The following BCL2L13 variants were observed in gnomAD, a reference collection of about 807,000 sequenced individuals.
The protein encoded by BCL2L13 is bcl-2-like protein 13.
In BCL2L13, 13 loss-of-function variants were observed where a neutral mutation model predicts 25.8. The ratio of observed to expected loss-of-function variants is 0.50; its 90% CI spans 0.33 to 0.80. The LOEUF (loss-of-function observed/expected upper bound fraction) is 0.80, where lower values mean the gene tolerates loss of function less well. BCL2L13 is among the 30% of genes least tolerant of loss of function. The pLI, the probability that BCL2L13 is intolerant of heterozygous loss-of-function variation, is 0.02. For synonymous variants in BCL2L13, 244 were observed against 230.3 expected (o/e 1.06, Z -0.54); for missense variants, 504 against 574.9 (o/e 0.88, Z 1.26).
chr22:17,651,103 A>G (rs1029867567), intron 1 of BCL2L13, among the ~76,000 whole-genome samples: 2 of 147,046 alleles, frequency 1.4e-5, no homozygotes, highest in Admixed American at 7.0e-5. Context: ...CGGTTCAAGC[A>G]ATTCTCCTGC....
chr22:17,685,015 A>T (rs58484680), intron 3 of BCL2L13, among the ~76,000 whole-genome samples: 43 of 151,640 alleles, frequency 2.8e-4, no homozygotes, highest in Non-Finnish European at 8.8e-5. Flanking sequence ...GATTACAGGC[A>T]TGAGCCACCA....
chr22:17,725,533 T>A (rs2061271492), intron 6 of BCL2L13, among the ~76,000 whole-genome samples: 3 of 152,222 alleles, frequency 2.0e-5, no homozygotes, highest in Admixed American at 2.0e-4. Context: ...TTTTCCCATC[T>A]GAACTTTTTT....
chr22:17,704,607 C>A (rs1033491634), intron 6 of BCL2L13, among the ~76,000 whole-genome samples: 1 of 151,844 alleles, frequency 6.6e-6, no homozygotes, highest in African/African-American at 2.4e-5. Flanking sequence ...GAGACCTCAT[C>A]TCTACTAAAA....
chr22:17,721,726 A>G (rs2061139769), intron 6 of BCL2L13, among the ~76,000 whole-genome samples: 1 of 151,708 alleles, frequency 6.6e-6, no homozygotes, highest in Admixed American at 6.6e-5. Context: ...GGGTTTTGCC[A>G]TGTTGGCCAG....
At chr22:17,653,585 T>C (rs995193477) in intron 1 of BCL2L13, among the ~76,000 whole-genome samples, 3 of 147,862 alleles carry the variant, frequency 2.0e-5, no homozygotes, top group Non-Finnish European at 4.5e-5. Flanking sequence ...CCTTGTAACC[T>C]CAAGCTCCTG....
chr22:17,687,070 T>C (rs1449879992), intron 3 of BCL2L13, among the ~76,000 whole-genome samples: 1 of 152,208 alleles, frequency 6.6e-6, no homozygotes, highest in East Asian at 1.9e-4. Context: ...GCAAGCACTT[T>C]ATAAAGAAAC....
chr22:17,640,146 G>A (rs2058222421), intron 1 of BCL2L13, among the ~76,000 whole-genome samples: 1 of 151,876 alleles, frequency 6.6e-6, no homozygotes, highest in African/African-American at 2.4e-5. Flanking sequence ...GAGCCACCGC[G>A]CACGGTGATA....
At chr22:17,707,012 TTTTG>T (rs2060613427) in intron 6 of BCL2L13, among the ~76,000 whole-genome samples, 1 of 152,190 alleles carries the variant, frequency 6.6e-6, no homozygotes, top group African/African-American at 2.4e-5. Flanking sequence ...TAGAATAGGT[TTTTG>T]TTTGTTTAAT....
intron 2 of BCL2L13, among the ~76,000 whole-genome samples, chr22:17,667,851 A>G (rs987365977): frequency 1.3e-5 from 2 of 151,932 alleles, no homozygotes; most frequent in African/African-American, 4.8e-5. Flanking sequence ...TTCTTATCAG[A>G]TACATGATTG....
chr22:17,665,819 A>G (rs573841847), intron 2 of BCL2L13, among the ~76,000 whole-genome samples: 1 of 151,880 alleles, frequency 6.6e-6, no homozygotes, highest in Non-Finnish European at 1.5e-5. Context: ...ATTTCTTTTT[A>G]TTGTTGAATA....
intron 2 of BCL2L13, among the ~76,000 whole-genome samples, chr22:17,661,291 C>T (rs866338606): frequency 6.9e-6 from 1 of 145,424 alleles, no homozygotes; most frequent in South Asian, 2.1e-4. Context: ...CAGGGTTTCA[C>T]TGTCTTGGCC....
At chr22:17,639,157 C>A (rs942752579) in intron 1 of BCL2L13, among the ~76,000 whole-genome samples, 1 of 152,220 alleles carries the variant, frequency 6.6e-6, no homozygotes, top group African/African-American at 2.4e-5. Flanking sequence ...AGGAGCTCGG[C>A]CCTGGCTCCA....
chr22:17,725,470 G>A (rs564320681), intron 6 of BCL2L13, among the ~76,000 whole-genome samples: 28 of 152,162 alleles, frequency 1.8e-4, no homozygotes, highest in Non-Finnish European at 3.1e-4. Flanking sequence ...TAGTCCCTCC[G>A]TGAGGCTTTC....
chr22:17,705,378 A>G (rs2145727062), intron 6 of BCL2L13, among the ~76,000 whole-genome samples: 1 of 151,398 alleles, frequency 6.6e-6, no homozygotes, highest in South Asian at 2.1e-4. Flanking sequence ...GCTCACTGCA[A>G]GCTCCGCCTC....
At chr22:17,635,128 C>G (rs539238982), upstream of BCL2L13, among the ~76,000 whole-genome samples, 65 of 151,898 alleles carry the variant, frequency 4.3e-4, 2 homozygotes, top group Middle Eastern at 3.2e-3. Context: ...TGGCTCATGC[C>G]TATAATCCCA....
At chr22:17,661,635 C>T (rs749554136) in intron 2 of BCL2L13, among the ~76,000 whole-genome samples, 8 of 145,766 alleles carry the variant, frequency 5.5e-5, no homozygotes, top group African/African-American at 1.2e-4. Flanking sequence ...ACTGTGTACA[C>T]GTAAATAAAT....
intron 2 of BCL2L13, among the ~76,000 whole-genome samples, chr22:17,658,611 T>C (rs1015621799): frequency 2.0e-5 from 3 of 150,246 alleles, no homozygotes; most frequent in African/African-American, 7.4e-5. Context: ...GGAGCATTGC[T>C]TGAACCCAGG....
chr22:17,660,314 T>A (rs1209518795), intron 2 of BCL2L13, among the ~76,000 whole-genome samples: 1 of 146,724 alleles, frequency 6.8e-6, no homozygotes, highest in Non-Finnish European at 1.5e-5. Context: ...AAGAATTGAT[T>A]TTTTGATAAA....
chr22:17,677,247 T>C (rs758750514), intron 2 of BCL2L13, among the ~76,000 whole-genome samples: 12 of 152,368 alleles, frequency 7.9e-5, no homozygotes, highest in Admixed American at 6.5e-5. Flanking sequence ...CTTAAAGCCA[T>C]GTTATTTTTG....
Sources: gnomAD v4.1 joint callset for allele counts (sites outside exome capture counted in the v4.1 genomes callset) on GRCh38, gnomAD v4.1.1 for gene constraint, MANE v1.5 for transcripts, NCBI Gene and HGNC (gene_info 2026-07-23, HGNC 2026-07-21) for gene names.